Variants in LRMDA observed in about 807,000 individuals in gnomAD.
The protein encoded by LRMDA is leucine rich melanocyte differentiation associated, also known as leucine-rich melanocyte differentiation-associated protein.
Under a neutral mutation model 29.8 loss-of-function variants are expected in LRMDA, and 18 were observed. That is an observed-to-expected ratio of 0.60 (90% CI 0.42 to 0.90). The LOEUF (loss-of-function observed/expected upper bound fraction) is 0.90. Among genes scored for constraint, LRMDA ranks in the 40% least tolerant of loss-of-function variants. The probability of loss-of-function intolerance (pLI) is 0.00; values close to 1 mark genes in which losing one functional copy is unlikely to be tolerated. For synonymous variants in LRMDA, 125 were observed against 109.4 expected, an observed-to-expected ratio of 1.14 and a Z score of -0.89; for missense variants, 273 against 273.9, an observed-to-expected ratio of 1.00 and a Z score of 0.02.
At chr10:75,494,780 C>T (rs766589139) in intron 2 of LRMDA, among the ~76,000 whole-genome samples, 23 of 152,088 alleles carry the variant, frequency 1.5e-4, no homozygotes, top group Non-Finnish European at 2.5e-4. Flanking sequence ...GGATTACAGG[C>T]GTGAGCCACC....
chr10:75,846,926 T>C (rs142366927), intron 2 of LRMDA, among the ~76,000 whole-genome samples: 6 of 152,282 alleles, frequency 3.9e-5, no homozygotes, highest in African/African-American at 1.4e-4. Context: ...AAAATGTCAA[T>C]ACTACCCAAA....
At position 75,498,146 on chromosome 10, in the gene LRMDA, G is replaced by T. The variant is rs7900786; in HGVS notation, c.131+59652G>T. On this transcript the variant is annotated intron_variant, in intron 2 of 6. Transcript: ENST00000611255. ...CTCGTTGTGGTTTTAATTTGCCTGT[G>T]GTGCTCCAATATGACATTTTCCTTG... Among the ~76,000 whole-genome samples the T allele has an allele frequency of 2.2e-3, 331 of 152,188 alleles. 4 individuals carry two copies. The highest frequency in any genetic ancestry group is 7.8e-3 in the African/African-American group (323 of 41,510).
intron 5 of LRMDA, among the ~76,000 whole-genome samples, chr10:76,094,462 A>G (rs899872682): frequency 1.3e-5 from 2 of 152,154 alleles, no homozygotes; most frequent in Non-Finnish European, 2.9e-5. Flanking sequence ...GGAACACTAC[A>G]TATGGTGAAA....
At chr10:76,045,963 A>G (rs1256244692) in intron 3 of LRMDA, among the ~76,000 whole-genome samples, 2 of 152,196 alleles carry the variant, frequency 1.3e-5, no homozygotes, top group South Asian at 2.1e-4. Flanking sequence ...GAGCAAGAAC[A>G]TCCCTTTTCT....
intron 2 of LRMDA, among the ~76,000 whole-genome samples, chr10:75,471,945 GTTCA>G (rs1159651403): frequency 6.6e-6 from 1 of 152,060 alleles, no homozygotes; most frequent in Non-Finnish European, 1.5e-5. Context: ...CTGGCTTCTG[GTTCA>G]AGACATACTT....
chr10:76,260,425 T>G (rs1295907867), intron 5 of LRMDA, among the ~76,000 whole-genome samples: 1 of 152,228 alleles, frequency 6.6e-6, no homozygotes, highest in Non-Finnish European at 1.5e-5. Context: ...ATTTTATTTC[T>G]TCTTAATTTC....
chr10:75,625,766 A>G (rs1213627070), intron 2 of LRMDA, among the ~76,000 whole-genome samples: 1 of 151,986 alleles, frequency 6.6e-6, no homozygotes, highest in African/African-American at 2.4e-5. Flanking sequence ...TCAAGTTCCA[A>G]TTTTATGAAA....
chr10:75,814,949 A>G (rs941798084), intron 2 of LRMDA, among the ~76,000 whole-genome samples: 3 of 152,222 alleles, frequency 2.0e-5, no homozygotes, highest in Non-Finnish European at 4.4e-5. Flanking sequence ...TCTGTTTACA[A>G]TAATATCTTC....
chr10:75,782,308 T>G (rs932641226), intron 2 of LRMDA, among the ~76,000 whole-genome samples: 1 of 152,196 alleles, frequency 6.6e-6, no homozygotes, highest in Non-Finnish European at 1.5e-5. Flanking sequence ...TGTGTGTGTG[T>G]GATGCTGACC....
At chr10:75,995,595 C>T (rs1238419687) in intron 2 of LRMDA, among the ~76,000 whole-genome samples, 4 of 152,180 alleles carry the variant, frequency 2.6e-5, no homozygotes, top group Non-Finnish European at 5.9e-5. Context: ...ATTACTAGCT[C>T]TTGCCATACC....
intron 2 of LRMDA, among the ~76,000 whole-genome samples, chr10:75,923,993 A>C (rs12266166): frequency 0.034 from 5,236 of 152,296 alleles, 304 homozygotes; most frequent in African/African-American, 0.12. Flanking sequence ...TTATGTCACC[A>C]GCAAAGGAGC....
chr10:76,225,000 C>T (rs1851924764), intron 5 of LRMDA, among the ~76,000 whole-genome samples: 1 of 151,926 alleles, frequency 6.6e-6, no homozygotes, highest in South Asian at 2.1e-4. Flanking sequence ...GAAGTAAAGT[C>T]CCAGCTAGTA....
chr10:75,692,329 ATATATG>A (rs943864597), intron 2 of LRMDA, among the ~76,000 whole-genome samples: 48 of 147,620 alleles, frequency 3.3e-4, no homozygotes, highest in Middle Eastern at 3.6e-3. Flanking sequence ...ACATATGTAT[ATATATG>A]TATATGTATT....
At chr10:76,265,275 C>A (rs903221460) in intron 5 of LRMDA, among the ~76,000 whole-genome samples, 1 of 152,088 alleles carries the variant, frequency 6.6e-6, no homozygotes, top group East Asian at 1.9e-4. Flanking sequence ...GGTTGAATAA[C>A]GGTTTGGAGT....
At chr10:75,458,850 T>C (rs1446805208) in intron 2 of LRMDA, among the ~76,000 whole-genome samples, 1 of 152,170 alleles carries the variant, frequency 6.6e-6, no homozygotes, top group Non-Finnish European at 1.5e-5. Context: ...AGGAAGATCA[T>C]AGACCTTGCA....
chr10:76,333,274 A>G (rs1589140516), intron 6 of LRMDA, among the ~76,000 whole-genome samples: 1 of 152,216 alleles, frequency 6.6e-6, no homozygotes, highest in South Asian at 2.1e-4. Context: ...TATTTTATTT[A>G]AAACCATGCT....
intron 5 of LRMDA, among the ~76,000 whole-genome samples, chr10:76,280,979 G>A (rs979837123): frequency 6.6e-6 from 1 of 152,154 alleles, no homozygotes; most frequent in African/African-American, 2.4e-5. Context: ...TCCCAGGGAT[G>A]AAAAGCTTTA....
chr10:75,840,319 A>G (rs1844517027), intron 2 of LRMDA, among the ~76,000 whole-genome samples: 1 of 152,224 alleles, frequency 6.6e-6, no homozygotes, highest in Non-Finnish European at 1.5e-5. Flanking sequence ...TGTGAAATGA[A>G]GATGGTAATG....
intron 2 of LRMDA, among the ~76,000 whole-genome samples, chr10:75,870,758 A>AC (rs1845095146): frequency 6.6e-6 from 1 of 152,114 alleles, no homozygotes; most frequent in African/African-American, 2.4e-5. Context: ...CATCTTTAGC[A>AC]AACTCCCCCC....
Sources: gnomAD v4.1 joint callset for allele counts (sites outside exome capture counted in the v4.1 genomes callset) on GRCh38, gnomAD v4.1.1 for gene constraint, MANE v1.5 for transcripts, NCBI Gene and HGNC (gene_info 2026-07-23, HGNC 2026-07-21) for gene names.